Variants in NTM observed in about 807,000 individuals in gnomAD.
NTM encodes the protein IgLON family member 2.
In NTM, 13 loss-of-function variants were observed where a neutral mutation model predicts 42.1. The observed-to-expected ratio is 0.31, with a 90% confidence interval of 0.20 to 0.49. The LOEUF is 0.49. NTM is among the 20% of genes least tolerant of loss of function. The pLI is 0.99. For missense variants in NTM, 373 were observed against 452.8 expected, an observed-to-expected ratio of 0.82 and a Z score of 1.60; for synonymous variants, 187 against 179.2, an observed-to-expected ratio of 1.04 and a Z score of -0.35.
chr11:131,822,640 G>A (rs567875547), intron 1 of NTM, among the ~76,000 whole-genome samples: 1 of 152,260 alleles, frequency 6.6e-6, no homozygotes, highest in Non-Finnish European at 1.5e-5. Context: ...TCTCCAACAA[G>A]TCGTTTTTCA....
intron 2 of NTM, among the ~76,000 whole-genome samples, chr11:132,023,698 CTTTGTTGTTGTTGTTGGT>C (rs1295101362): frequency 5.8e-4 from 88 of 151,616 alleles, no homozygotes; most frequent in African/African-American, 1.8e-3. Flanking sequence ...GGAAGATATG[CTTTGTTGTTGTTGTTGGT>C]TTTGTTGTTG....
intron 1 of NTM, among the ~76,000 whole-genome samples, chr11:131,592,651 C>CACACACACACCCCAA (rs1183191181): frequency 6.0e-5 from 1 of 16,674 alleles, no homozygotes; most frequent in Non-Finnish European, 1.3e-4. Context: ...ACCCCAAACA[C>CACACACACACCCCAA]ACACACACAC....
At chr11:132,006,959 C>G (rs1166239354) in intron 2 of NTM, among the ~76,000 whole-genome samples, 1 of 152,180 alleles carries the variant, frequency 6.6e-6, no homozygotes, top group African/African-American at 2.4e-5. Context: ...ACGTGTGTCA[C>G]CCTGTGGGTG....
At chr11:131,789,602 AAG>A (rs1191544006) in intron 1 of NTM, among the ~76,000 whole-genome samples, 2 of 71,882 alleles carry the variant, frequency 2.8e-5, no homozygotes, top group African/African-American at 1.3e-4. Flanking sequence ...GAAGAAGAAG[AAG>A]AAGAAGAAGA....
intron 1 of NTM, among the ~76,000 whole-genome samples, chr11:131,647,250 A>C (rs2065879296): frequency 6.6e-6 from 1 of 152,236 alleles, no homozygotes; most frequent in African/African-American, 2.4e-5. Flanking sequence ...ATGAACCCTG[A>C]GCAAAGAAAG....
At chr11:132,053,631 G>A (rs1161433649) in intron 2 of NTM, among the ~76,000 whole-genome samples, 1 of 152,108 alleles carries the variant, frequency 6.6e-6, no homozygotes, top group African/African-American at 2.4e-5. Context: ...AAAAAATGAG[G>A]ATGAACTACT....
intron 4 of NTM, among the ~76,000 whole-genome samples, chr11:132,250,455 C>T (rs2091809793): frequency 6.6e-6 from 1 of 152,146 alleles, no homozygotes; most frequent in Non-Finnish European, 1.5e-5. Context: ...ATTGTCTCTT[C>T]AAATATTGCC....
At chr11:132,299,588 G>A (rs1473829917) in intron 4 of NTM, among the ~76,000 whole-genome samples, 3 of 152,128 alleles carry the variant, frequency 2.0e-5, no homozygotes, top group African/African-American at 4.8e-5. Flanking sequence ...CATACTCTAC[G>A]ACTTACGCAC....
At chr11:131,704,527 C>G (rs1419718396) in intron 1 of NTM, among the ~76,000 whole-genome samples, 1 of 152,110 alleles carries the variant, frequency 6.6e-6, no homozygotes, top group African/African-American at 2.4e-5. Flanking sequence ...GGAAAAGATG[C>G]CTAATTTTTA....
chr11:132,139,741 C>A (rs1337584025), intron 2 of NTM, among the ~76,000 whole-genome samples: 1 of 152,110 alleles, frequency 6.6e-6, no homozygotes, highest in Non-Finnish European at 1.5e-5. Flanking sequence ...TAATTATACT[C>A]ACACACTGGG....
intron 2 of NTM, among the ~76,000 whole-genome samples, chr11:132,074,670 A>G (rs1316226563): frequency 1.3e-5 from 2 of 152,190 alleles, no homozygotes; most frequent in Non-Finnish European, 2.9e-5. Context: ...TGGAAACACT[A>G]AATGTCCACT....
intron 1 of NTM, among the ~76,000 whole-genome samples, chr11:131,599,386 A>AT (rs1565688155): frequency 8.3e-6 from 1 of 121,018 alleles, no homozygotes; most frequent in African/African-American, 2.5e-5. Context: ...TCTCCGGCAG[A>AT]GCTAGTCACA....
chr11:131,822,969 T>C (rs10894454), intron 1 of NTM, among the ~76,000 whole-genome samples: 21,279 of 152,112 alleles, frequency 0.14, 1,607 homozygotes, highest in East Asian at 0.33. Flanking sequence ...TCCTTCCTTC[T>C]GTCTCCCTCC....
At chr11:132,087,344 A>G (rs2059849629) in intron 2 of NTM, among the ~76,000 whole-genome samples, 2 of 152,152 alleles carry the variant, frequency 1.3e-5, no homozygotes, top group Non-Finnish European at 2.9e-5. Flanking sequence ...ACCTTTATCC[A>G]TGAAACAGGA....
intron 1 of NTM, among the ~76,000 whole-genome samples, chr11:131,592,954 CA>C (rs1235159759): frequency 1.3e-5 from 2 of 152,184 alleles, no homozygotes; most frequent in African/African-American, 4.8e-5. Context: ...TCCTTGTTTA[CA>C]ATGCATTGTA....
intron 5 of NTM, among the ~76,000 whole-genome samples, chr11:132,309,871 C>A (rs1033125531): frequency 2.0e-5 from 3 of 152,074 alleles, no homozygotes; most frequent in African/African-American, 7.2e-5. Flanking sequence ...GCCTGGCCAA[C>A]ATGGTGAAAC....
At chr11:132,153,456 A>G (rs1464796977) in intron 3 of NTM, among the ~76,000 whole-genome samples, 4 of 152,122 alleles carry the variant, frequency 2.6e-5, no homozygotes, top group East Asian at 1.9e-4. Flanking sequence ...GTCTAATCCT[A>G]TAATATATCC....
At chr11:131,514,747 C>T (rs551425082) in intron 1 of NTM, among the ~76,000 whole-genome samples, 1 of 151,990 alleles carries the variant, frequency 6.6e-6, no homozygotes, top group Non-Finnish European at 1.5e-5. Context: ...TGCTACCACG[C>T]CTGACTAAGT....
chr11:131,858,859 CTCACCAAATAG>C (rs11272349), intron 1 of NTM, among the ~76,000 whole-genome samples: 5,214 of 152,288 alleles, frequency 0.034, 304 homozygotes, highest in African/African-American at 0.12. Flanking sequence ...CAAACTTCTG[CTCACCAAATAG>C]TCCCCACCCT....
Sources: allele counts gnomAD v4.1 joint callset (sites outside exome capture counted in the v4.1 genomes callset), GRCh38; gene constraint gnomAD v4.1.1; transcripts MANE v1.5; gene names NCBI Gene and HGNC (gene_info 2026-07-23, HGNC 2026-07-21).